The following TMEM132D variants were observed in gnomAD, a reference collection of about 807,000 sequenced individuals.
TMEM132D encodes the protein mature OL transmembrane protein.
A neutral mutation model predicts 62.3 loss-of-function variants in TMEM132D; 21 were observed. The ratio of observed to expected loss-of-function variants is 0.34; its 90% CI spans 0.24 to 0.49. TMEM132D has a LOEUF of 0.49. TMEM132D is among the 20% of genes least tolerant of loss of function. The pLI is 0.99. For missense variants in TMEM132D, 1,346 were observed against 1,402.8 expected (o/e 0.96, Z 0.65); for synonymous variants, 621 against 575.6 (o/e 1.08, Z -1.13).
chr12:129,162,361 C>G (rs1014461141), intron 5 of TMEM132D, among the ~76,000 whole-genome samples: 4 of 152,170 alleles, frequency 2.6e-5, no homozygotes, highest in African/African-American at 9.7e-5. Context: ...AGACATCCAG[C>G]CTCCAAAACC....
intron 3 of TMEM132D, among the ~76,000 whole-genome samples, chr12:129,420,168 C>T (rs1329788405): frequency 6.6e-6 from 1 of 152,152 alleles, no homozygotes; most frequent in East Asian, 1.9e-4. Context: ...TCTGCGATAG[C>T]ATCAGCAGGA....
intron 2 of TMEM132D, among the ~76,000 whole-genome samples, chr12:129,647,121 C>CATACAT (rs968615665): frequency 6.8e-6 from 1 of 146,400 alleles, no homozygotes; most frequent in East Asian, 2.0e-4. Flanking sequence ...TACATACATA[C>CATACAT]ATATATATAT....
At chr12:129,784,277 T>C (rs2137293206) in intron 1 of TMEM132D, among the ~76,000 whole-genome samples, 1 of 152,314 alleles carries the variant, frequency 6.6e-6, no homozygotes, top group South Asian at 2.1e-4. Flanking sequence ...AGGAAGCTCA[T>C]TCCAGGAATG....
intron 3 of TMEM132D, among the ~76,000 whole-genome samples, chr12:129,416,444 G>T (rs923890795): frequency 3.0e-4 from 46 of 152,190 alleles, no homozygotes; most frequent in African/African-American, 1.1e-3. Flanking sequence ...AGCTTAAGGA[G>T]TTTTTGGGCT....
At chr12:129,713,329 A>C (rs901831711) in intron 1 of TMEM132D, among the ~76,000 whole-genome samples, 1 of 152,210 alleles carries the variant, frequency 6.6e-6, no homozygotes, top group African/African-American at 2.4e-5. Flanking sequence ...ACAAATATAT[A>C]AAAATCCATT....
chr12:129,104,752 C>T (rs1011578019), intron 5 of TMEM132D, among the ~76,000 whole-genome samples: 1 of 150,382 alleles, frequency 6.6e-6, no homozygotes, highest in Non-Finnish European at 1.5e-5. Context: ...AGACACTTCT[C>T]AAAAGAAGAC....
rs114380275 is a variant in TMEM132D, at chr12:129,900,799, G to A, written c.79+2462C>T. ...CAAAGCTAGACCTTAAACATTTAAGGCCATTCCCCAGAAAAATTAGGGGCC... is the reference window on the plus strand; with the variant it reads ...CAAAGCTAGACCTTAAACATTTAAGACCATTCCCCAGAAAAATTAGGGGCC... On this transcript the variant is annotated intron_variant, in intron 1 of 8. Coordinates refer to ENST00000422113, the MANE Select transcript of TMEM132D (RefSeq NM_133448.3). Among the ~76,000 whole-genome samples, 959 of 152,218 alleles carry A rather than the reference G, an allele frequency of 6.3e-3. 21 individuals are homozygous for A. Among genetic ancestry groups the A allele is most frequent in the African/African-American group, 0.022 (907 of 41,530 alleles).
At chr12:129,825,224 G>T (rs1231683897) in intron 1 of TMEM132D, among the ~76,000 whole-genome samples, 1 of 151,310 alleles carries the variant, frequency 6.6e-6, no homozygotes, top group East Asian at 2.0e-4. Flanking sequence ...TGCCATGTTG[G>T]CCAGGCTGGT....
At chr12:129,831,487 G>A (rs1232141264) in intron 1 of TMEM132D, among the ~76,000 whole-genome samples, 5 of 152,246 alleles carry the variant, frequency 3.3e-5, no homozygotes, top group East Asian at 1.9e-4. Context: ...TTCTGATCCC[G>A]GATGGGGATT....
chr12:129,844,979 AC>A (rs1873315544), intron 1 of TMEM132D, among the ~76,000 whole-genome samples: 1 of 152,120 alleles, frequency 6.6e-6, no homozygotes, highest in South Asian at 2.1e-4. Context: ...TACTTCCTTT[AC>A]CTCTGATGCA....
intron 2 of TMEM132D, among the ~76,000 whole-genome samples, chr12:129,626,795 G>A (rs1487727111): frequency 6.6e-6 from 1 of 152,092 alleles, no homozygotes; most frequent in Non-Finnish European, 1.5e-5. Context: ...ATTGGCTAAT[G>A]TTTTTTATTT....
intron 5 of TMEM132D, among the ~76,000 whole-genome samples, chr12:129,201,500 C>A (rs551512381): frequency 9.2e-5 from 14 of 152,152 alleles, no homozygotes; most frequent in Non-Finnish European, 1.9e-4. Flanking sequence ...AGTTCATGTG[C>A]TTTGAGATGA....
At chr12:129,751,418 C>T (rs1869997040) in intron 1 of TMEM132D, among the ~76,000 whole-genome samples, 1 of 152,204 alleles carries the variant, frequency 6.6e-6, no homozygotes, top group Non-Finnish European at 1.5e-5. Flanking sequence ...CACCATGTCC[C>T]TCCCCTGACA....
rs553736808 is a variant in TMEM132D at position 129,338,102 on chromosome 12, T to C, written c.1116-285A>G. ...CAGAGCAGGTATTTGTGGATAATTA[T>C]GGGAAATAGTGATTGCATTTCTTAA... On this transcript the variant is annotated intron_variant, in intron 3 of 8. Transcript: ENST00000422113. Among the ~76,000 whole-genome samples, 53 of 152,380 alleles carry C rather than the reference T, an allele frequency of 3.5e-4. 1 individual carries two copies. The highest frequency in any genetic ancestry group is 3.4e-3 in the Middle Eastern group (1 of 294).
chr12:129,868,142 A>G (rs75162097), intron 1 of TMEM132D, among the ~76,000 whole-genome samples: 5,161 of 151,822 alleles, frequency 0.034, 149 homozygotes, highest in South Asian at 0.1. Flanking sequence ...CAGCATTTCT[A>G]TGGTACATAC....
chr12:129,192,799 G>A (rs138330794), intron 5 of TMEM132D, among the ~76,000 whole-genome samples: 7 of 152,202 alleles, frequency 4.6e-5, no homozygotes, highest in East Asian at 1.9e-4. Context: ...GTAGCTGGGC[G>A]CCTCGTTTTA....
intron 2 of TMEM132D, among the ~76,000 whole-genome samples, chr12:129,655,934 C>G (rs933875325): frequency 6.6e-6 from 1 of 152,178 alleles, no homozygotes; most frequent in Non-Finnish European, 1.5e-5. Flanking sequence ...GAAATACAAC[C>G]TGAAGTGACC....
intron 5 of TMEM132D, among the ~76,000 whole-genome samples, chr12:129,156,528 C>T (rs946055053): frequency 2.6e-4 from 39 of 152,082 alleles, no homozygotes; most frequent in African/African-American, 6.5e-4. Context: ...ATAGCTATTC[C>T]GCTCCCAACA....
intron 4 of TMEM132D, among the ~76,000 whole-genome samples, chr12:129,267,074 G>A (rs534497153): frequency 6.6e-6 from 1 of 152,264 alleles, no homozygotes; most frequent in African/African-American, 2.4e-5. Context: ...AAGTCTCTGG[G>A]CTGGTGCCAT....
Sources: allele counts gnomAD v4.1 joint callset (sites outside exome capture counted in the v4.1 genomes callset), GRCh38; gene constraint gnomAD v4.1.1; transcripts MANE v1.5; gene names NCBI Gene and HGNC (gene_info 2026-07-23, HGNC 2026-07-21).